Variants in KHDRBS3 observed in about 807,000 individuals in gnomAD.
The protein encoded by KHDRBS3 is KH domain-containing, RNA-binding, signal transduction-associated protein 3.
KHDRBS3 carries 23 observed loss-of-function variants against 45.6 expected under a neutral mutation model. That is an observed-to-expected ratio of 0.50 (90% CI 0.36 to 0.72). KHDRBS3 has a LOEUF of 0.72. KHDRBS3 is among the 30% of genes least tolerant of loss of function. KHDRBS3 has a pLI of 0.00. For synonymous variants in KHDRBS3, 162 were observed against 156.5 expected, an observed-to-expected ratio of 1.04 and a Z score of -0.26; for missense variants, 352 against 424.8, an observed-to-expected ratio of 0.83 and a Z score of 1.51.
downstream of KHDRBS3, among the ~76,000 whole-genome samples, chr8:135,649,190 A>AT (rs572726628): frequency 1.3e-5 from 2 of 152,062 alleles, no homozygotes; most frequent in African/African-American, 2.4e-5. Flanking sequence ...CATTTTCTTG[A>AT]TTTTTTTTCT....
intron 7 of KHDRBS3, among the ~76,000 whole-genome samples, chr8:135,622,216 A>C (rs1830176301): frequency 6.6e-6 from 1 of 152,206 alleles, no homozygotes; most frequent in Non-Finnish European, 1.5e-5. Flanking sequence ...GCTAGAACAT[A>C]CGTAGTGCTC....
In KHDRBS3 at chr8:135,539,707, G is replaced by A. The variant is rs140256898; in HGVS notation, c.208-2947G>A. The stretch of plus-strand genomic sequence containing the variant: ...GATGAAAAGTCTGAGACTCAGGAGG[G>A]TTAATTTGACTCAGGAGATAGAAGT... On this transcript the variant is annotated intron_variant, in intron 2 of 8. Coordinates refer to ENST00000355849, the MANE Select transcript of KHDRBS3 (RefSeq NM_006558.3). The A allele has an allele frequency of 3.8e-3, 580 of 152,246 alleles. 7 individuals carry two copies. Among genetic ancestry groups the A allele is most frequent in the African/African-American group, 0.013 (532 of 41,532 alleles). 9.4% of individuals were successfully genotyped at this position (152,246 alleles called of 1,614,324 possible). A position where few individuals can be genotyped will look rare whatever the true frequency, so the allele number is the denominator to read the frequency against.
At chr8:135,616,838 A>G (rs1043765223) in intron 7 of KHDRBS3, among the ~76,000 whole-genome samples, 2 of 152,188 alleles carry the variant, frequency 1.3e-5, no homozygotes, top group African/African-American at 4.8e-5. Flanking sequence ...CTCGTGTTTC[A>G]TACATTCTTA....
Position 135,534,513 on chromosome 8 carries a change from G to A in KHDRBS3, c.208-8141G>A, listed in dbSNP as rs370286526. Among the ~76,000 whole-genome samples the A allele has an allele frequency of 9.2e-5, 14 of 152,122 alleles. 1 individual carries two copies. The East Asian group carries it at 1.7e-3, about 19-fold the overall frequency. On this transcript the variant is annotated intron_variant, in intron 2 of 8. Coordinates refer to ENST00000355849, the MANE Select transcript of KHDRBS3 (RefSeq NM_006558.3). ...AAGATGAGTAAGACAGGGTTTCCGC[G>A]CTCAGAGAAATCACCATCTTGCTTC...
intron 5 of KHDRBS3, among the ~76,000 whole-genome samples, chr8:135,570,597 A>T (rs1416950620): frequency 2.6e-5 from 4 of 152,198 alleles, no homozygotes; most frequent in African/African-American, 9.7e-5. Context: ...AGAACACTCC[A>T]TTGGGATGTT....
intron 6 of KHDRBS3, among the ~76,000 whole-genome samples, chr8:135,586,548 G>A (rs557860371): frequency 7.7e-4 from 117 of 152,102 alleles, no homozygotes; most frequent in Middle Eastern, 3.4e-3. Flanking sequence ...AGGAAGAAAG[G>A]GATGATGTTC....
intron 3 of KHDRBS3, among the ~76,000 whole-genome samples, chr8:135,547,046 G>T (rs1306381217): frequency 6.6e-6 from 1 of 152,110 alleles, no homozygotes; most frequent in East Asian, 1.9e-4. Flanking sequence ...TCAATAATTT[G>T]TGCTTTCAGG....
At chr8:135,601,725 T>A (rs965522449) in intron 6 of KHDRBS3, among the ~76,000 whole-genome samples, 1 of 152,230 alleles carries the variant, frequency 6.6e-6, no homozygotes, top group African/African-American at 2.4e-5. Context: ...GCAAGCTTTT[T>A]AAGAGTAGAT....
In KHDRBS3 at chr8:135,589,624, G is replaced by A. The variant is rs56042955; in HGVS notation, c.807+7551G>A. Among the ~76,000 whole-genome samples the A allele has an allele frequency of 2.7e-3, 410 of 152,310 alleles. 2 individuals carry two copies. Among genetic ancestry groups the A allele is most frequent in the Middle Eastern group, 0.017 (5 of 294 alleles). On this transcript the variant is annotated intron_variant, in intron 6 of 8. Coordinates refer to ENST00000355849, the MANE Select transcript of KHDRBS3 (RefSeq NM_006558.3). Reference sequence around the variant, plus strand: ...AGCCTTCTGGACCTAATCAAGCATAGTTAGCAGCATCTTCCATGTCCCTTT... The same window carrying A: ...AGCCTTCTGGACCTAATCAAGCATAATTAGCAGCATCTTCCATGTCCCTTT...
chr8:135,517,198 C>T (rs1361511739), intron 1 of KHDRBS3, among the ~76,000 whole-genome samples: 1 of 152,172 alleles, frequency 6.6e-6, no homozygotes, highest in Non-Finnish European at 1.5e-5. Flanking sequence ...CTTAATCACA[C>T]ATTTGCTTAT....
At chr8:135,629,810 A>C (rs1336600125) in intron 7 of KHDRBS3, among the ~76,000 whole-genome samples, 1 of 152,218 alleles carries the variant, frequency 6.6e-6, no homozygotes, top group African/African-American at 2.4e-5. Context: ...CTGAGCTTGA[A>C]TACTTCGCCT....
chr8:135,556,243 A>G (rs1484048908), intron 4 of KHDRBS3, among the ~76,000 whole-genome samples: 4 of 152,212 alleles, frequency 2.6e-5, no homozygotes, highest in South Asian at 2.1e-4. Flanking sequence ...TCCTCTGGGT[A>G]TATGCCCAGT....
chr8:135,575,927 C>T (rs1827927178), intron 5 of KHDRBS3, among the ~76,000 whole-genome samples: 1 of 152,184 alleles, frequency 6.6e-6, no homozygotes, highest in Admixed American at 6.5e-5. Context: ...TGGAATACAA[C>T]ATCACGTTGA....
chr8:135,523,227 A>G (rs1825007344), intron 2 of KHDRBS3, among the ~76,000 whole-genome samples: 1 of 152,210 alleles, frequency 6.6e-6, no homozygotes, highest in South Asian at 2.1e-4. Flanking sequence ...TTGCAATCGC[A>G]TTGCATCTGT....
In KHDRBS3 at chr8:135,620,176, G is replaced by A. The variant is rs574465050; in HGVS notation, c.890+13139G>A. Reference sequence around the variant, plus strand: ...CAACCTCCGCCTCCTTGGCTGAAGCGATTCTCCATCCTCAGCCTCCTGAGT... The same window carrying A: ...CAACCTCCGCCTCCTTGGCTGAAGCAATTCTCCATCCTCAGCCTCCTGAGT... On this transcript the variant is annotated intron_variant, in intron 7 of 8. Transcript: ENST00000355849. Among the ~76,000 whole-genome samples the A allele has an allele frequency of 8.6e-5, 13 of 151,872 alleles. No individual in the cohort carries two copies. The South Asian group carries it at 2.1e-3, about 24-fold the overall frequency.
rs187162117 is a variant in KHDRBS3 at position 135,557,203 on chromosome 8, C to A, written c.472-245C>A. Among the ~76,000 whole-genome samples the A allele has an allele frequency of 3.8e-3, 575 of 152,200 alleles. 7 individuals are homozygous for A. The highest frequency in any genetic ancestry group is 0.013 in the African/African-American group (527 of 41,524). On this transcript the variant is annotated intron_variant, in intron 4 of 8. Transcript: ENST00000355849. ...ATAAATGTCTCACTTGCAAAGTATG[C>A]CCAGAGAAAGGTTAGTGGCTGATTA...
intron 5 of KHDRBS3, among the ~76,000 whole-genome samples, chr8:135,570,211 T>G (rs1827635553): frequency 6.6e-6 from 1 of 152,196 alleles, no homozygotes; most frequent in South Asian, 2.1e-4. Flanking sequence ...TCCACTGCCA[T>G]TTGGAATGTT....
At chr8:135,464,047 A>G (rs1475398554) in intron 1 of KHDRBS3, among the ~76,000 whole-genome samples, 7 of 152,196 alleles carry the variant, frequency 4.6e-5, no homozygotes, top group Admixed American at 1.3e-4. Context: ...CAAAAACACT[A>G]AGTAACTTGC....
intron 5 of KHDRBS3, 69 bp downstream of exon 5, chr8:135,557,656 C>A: frequency 1.7e-6 from 2 of 1,159,410 alleles, no homozygotes; most frequent in Non-Finnish European, 1.3e-6. Flanking sequence ...TATTAGTAGC[C>A]AAAACCAGTT....
Sources: gnomAD v4.1 joint callset for allele counts (sites outside exome capture counted in the v4.1 genomes callset) on GRCh38, gnomAD v4.1.1 for gene constraint, MANE v1.5 for transcripts, NCBI Gene and HGNC (gene_info 2026-07-23, HGNC 2026-07-21) for gene names.